Variants in PHLPP1 observed in about 807,000 individuals in gnomAD.
PHLPP1 encodes the protein PH domain leucine-rich repeat-containing protein phosphatase 1.
Under a neutral mutation model 117.2 loss-of-function variants are expected in PHLPP1, and 42 were observed. The observed-to-expected ratio is 0.36, with a 90% CI of 0.28 to 0.46. The LOEUF is 0.46. PHLPP1 is among the 20% of genes least tolerant of loss of function. The probability of loss-of-function intolerance (pLI) is 1.00; values close to 1 mark genes in which losing one functional copy is unlikely to be tolerated. For missense variants in PHLPP1, 2,084 were observed against 2,241.9 expected, an observed-to-expected ratio of 0.93 and a Z score of 1.42; for synonymous variants, 1,042 against 970.7, an observed-to-expected ratio of 1.07 and a Z score of -1.37.
intron 13 of PHLPP1, among the ~76,000 whole-genome samples, chr18:62,961,067 T>G (rs1693984941): frequency 6.6e-6 from 1 of 152,002 alleles, no homozygotes; most frequent in Non-Finnish European, 1.5e-5. Context: ...GAGGCCGAGG[T>G]GGGTAGATCA....
In PHLPP1 at chr18:62,920,186, C is replaced by T. The variant is rs148439954; in HGVS notation, c.2960+72C>T. On this transcript the variant is annotated intron_variant, in intron 10 of 16. Transcript: ENST00000262719. ...TCATTTGTATCTTTGTCTTTCGTGA[C>T]CTGAGACTGTATAAACTTTCTGAGT... 3.0e-3 allele frequency: 4,127 copies of T among 1,357,260 alleles called. 79 individuals are homozygous for T. The Admixed American group carries it at 0.043, about 14-fold the overall frequency. The allele number at this position is 1,357,260 out of a possible 1,614,324, so 84.1% of individuals were successfully genotyped here.
At chr18:62,903,769 C>CA (rs57210403) in intron 7 of PHLPP1, among the ~76,000 whole-genome samples, 6,898 of 85,474 alleles carry the variant, frequency 0.081, 493 homozygotes, top group African/African-American at 0.25. Flanking sequence ...GACCCTGTCT[C>CA]AAAAAAAAAA....
At chr18:62,921,063 A>G (rs1909453313) in intron 10 of PHLPP1, among the ~76,000 whole-genome samples, 1 of 152,230 alleles carries the variant, frequency 6.6e-6, no homozygotes, top group African/African-American at 2.4e-5. Flanking sequence ...GTTGCCACAT[A>G]CAGAATTTTC....
chr18:62,741,611 T>C (rs1012069254), intron 1 of PHLPP1, among the ~76,000 whole-genome samples: 8 of 152,046 alleles, frequency 5.3e-5, no homozygotes, highest in African/African-American at 1.9e-4. Context: ...AACAAGAAGG[T>C]CCTTGCCCTT....
At chr18:62,798,946 T>A (rs1364560508) in intron 1 of PHLPP1, among the ~76,000 whole-genome samples, 1 of 152,024 alleles carries the variant, frequency 6.6e-6, no homozygotes, top group Non-Finnish European at 1.5e-5. Flanking sequence ...ACTCAGAAAA[T>A]TGGCAAATTT....
At chr18:62,811,953 T>C (rs1473961018) in intron 1 of PHLPP1, among the ~76,000 whole-genome samples, 1 of 152,194 alleles carries the variant, frequency 6.6e-6, no homozygotes, top group Non-Finnish European at 1.5e-5. Flanking sequence ...ATAAAGTTTT[T>C]AGGAAATTGT....
At chr18:62,800,023 T>A (rs1488034659) in intron 1 of PHLPP1, among the ~76,000 whole-genome samples, 1 of 151,848 alleles carries the variant, frequency 6.6e-6, no homozygotes, top group East Asian at 1.9e-4. Flanking sequence ...AAGGGATGAG[T>A]GGAAGAAGAG....
At chr18:62,882,413 C>T (rs1026581503) in intron 4 of PHLPP1, among the ~76,000 whole-genome samples, 2 of 151,988 alleles carry the variant, frequency 1.3e-5, no homozygotes, top group Non-Finnish European at 2.9e-5. Context: ...GGACTACAGG[C>T]GCCCGCCACC....
At chr18:62,977,669 G>A (rs528435969) in intron 16 of PHLPP1, among the ~76,000 whole-genome samples, 3 of 152,270 alleles carry the variant, frequency 2.0e-5, no homozygotes, top group Non-Finnish European at 2.9e-5. Context: ...TTTCTCCACC[G>A]CTTAAGTACT....
intron 3 of PHLPP1, among the ~76,000 whole-genome samples, chr18:62,842,456 C>G (rs1016616223): frequency 6.6e-6 from 1 of 151,970 alleles, no homozygotes. Flanking sequence ...CTCCATCTCC[C>G]GGGTTCAAGC....
rs570634811 is a variant in PHLPP1, at chr18:62,945,047, C to T, written c.3162-62C>T. On this transcript the variant is annotated intron_variant, in intron 11 of 16. Coordinates refer to ENST00000262719, the MANE Select transcript of PHLPP1 (RefSeq NM_194449.4). ...TCCTTAAAGTCATAGCAATTTAATT[C>T]ATCCTTTGATTCTCGTCCTATATTA... 286 of 1,215,990 alleles carry T rather than the reference C, an allele frequency of 2.4e-4. No homozygotes were observed. In the African/African-American group the frequency reaches 3.8e-3, roughly 16 times the overall value. The allele number at this position is 1,215,990 out of a possible 1,614,324, so 75.3% of individuals were successfully genotyped here. A position where few individuals can be genotyped will look rare whatever the true frequency, so the allele number is the denominator to read the frequency against.
At chr18:62,923,358 T>A (rs1435833358) in intron 10 of PHLPP1, among the ~76,000 whole-genome samples, 1 of 152,036 alleles carries the variant, frequency 6.6e-6, no homozygotes, top group East Asian at 1.9e-4. Flanking sequence ...ATGGGAGAAA[T>A]AAGAAACTTT....
chr18:62,781,828 C>T (rs1913127948), intron 1 of PHLPP1, among the ~76,000 whole-genome samples: 1 of 152,148 alleles, frequency 6.6e-6, no homozygotes, highest in Non-Finnish European at 1.5e-5. Flanking sequence ...GGCCTATATT[C>T]ACCAGATTTT....
chr18:62,799,858 A>G (rs553837644), intron 1 of PHLPP1, among the ~76,000 whole-genome samples: 3 of 152,306 alleles, frequency 2.0e-5, no homozygotes, highest in South Asian at 2.1e-4. Flanking sequence ...TCCTCTTTTT[A>G]ACAAGTATAA....
chr18:62,849,933 G>T (rs923903468), intron 3 of PHLPP1, among the ~76,000 whole-genome samples: 3 of 144,662 alleles, frequency 2.1e-5, no homozygotes, highest in African/African-American at 5.2e-5. Context: ...CGCCTACTCC[G>T]AAGGGTTAAA....
intron 2 of PHLPP1, chr18:62,832,319 T>A (rs1356734995): frequency 6.6e-6 from 1 of 152,186 alleles, no homozygotes; most frequent in Non-Finnish European, 1.5e-5. Flanking sequence ...AGAGATTACA[T>A]TTTTTCGGGT....
intron 4 of PHLPP1, among the ~76,000 whole-genome samples, chr18:62,872,519 C>G (rs981706641): frequency 3.3e-5 from 5 of 151,680 alleles, no homozygotes; most frequent in Non-Finnish European, 5.9e-5. Flanking sequence ...ATGGTGAAAC[C>G]TTGTCTCAAC....
At chr18:62,830,453 T>C (rs1374485293) in intron 2 of PHLPP1, among the ~76,000 whole-genome samples, 2 of 152,166 alleles carry the variant, frequency 1.3e-5, no homozygotes, top group African/African-American at 4.8e-5. Context: ...GGTCTTGAAC[T>C]CCTGACCTCA....
intron 2 of PHLPP1, among the ~76,000 whole-genome samples, chr18:62,834,901 C>G (rs1484120317): frequency 2.0e-5 from 3 of 151,980 alleles, no homozygotes; most frequent in South Asian, 4.2e-4. Flanking sequence ...CCTAAGAAAC[C>G]TTTTGCTTGA....
Sources: gnomAD v4.1 joint callset for allele counts (sites outside exome capture counted in the v4.1 genomes callset) on GRCh38, gnomAD v4.1.1 for gene constraint, MANE v1.5 for transcripts, NCBI Gene and HGNC (gene_info 2026-07-23, HGNC 2026-07-21) for gene names.